The following NOVA1 variants were observed in gnomAD, a reference collection of about 807,000 sequenced individuals.
The protein encoded by NOVA1 is NOVA alternative splicing regulator 1.
A neutral mutation model predicts 38.0 loss-of-function variants in NOVA1; 7 were observed. The observed-to-expected ratio is 0.18, with a 90% CI of 0.10 to 0.35. NOVA1 has a LOEUF of 0.35. Ranked by LOEUF, NOVA1 falls within the 10% of genes least tolerant of loss-of-function variation. The pLI, the probability that NOVA1 is intolerant of heterozygous loss-of-function variation, is 1.00. For synonymous variants in NOVA1, 270 were observed against 232.5 expected (o/e 1.16, Z -1.47); for missense variants, 460 against 616.0 (o/e 0.75, Z 2.68).
intron 2 of NOVA1, among the ~76,000 whole-genome samples, chr14:26,497,243 C>A (rs148989089): frequency 6.6e-6 from 1 of 152,066 alleles, no homozygotes; most frequent in South Asian, 2.1e-4. Context: ...TTACAAGGGA[C>A]GTGAAGGACC....
chr14:26,506,732 A>C (rs1887664492), intron 2 of NOVA1, among the ~76,000 whole-genome samples: 1 of 152,076 alleles, frequency 6.6e-6, no homozygotes, highest in Non-Finnish European at 1.5e-5. Context: ...GGCACCTGCC[A>C]CCACGCCCAG....
intron 2 of NOVA1, among the ~76,000 whole-genome samples, chr14:26,557,141 T>A (rs1239476318): frequency 1.3e-5 from 2 of 152,172 alleles, no homozygotes; most frequent in Non-Finnish European, 2.9e-5. Flanking sequence ...TCCCTTAACT[T>A]GATTACATCT....
intron 2 of NOVA1, among the ~76,000 whole-genome samples, chr14:26,558,867 C>T (rs895835083): frequency 3.3e-5 from 5 of 151,996 alleles, no homozygotes; most frequent in Admixed American, 3.3e-4. Context: ...CTCTAGCCTA[C>T]ATAATTATAT....
intron 3 of NOVA1, among the ~76,000 whole-genome samples, chr14:26,473,842 T>C (rs886480397): frequency 5.3e-5 from 8 of 152,054 alleles, no homozygotes; most frequent in Non-Finnish European, 1.2e-4. Context: ...AGGACAGCTA[T>C]AGTAATCAGT....
At chr14:26,542,259 T>C (rs1336275673) in intron 2 of NOVA1, among the ~76,000 whole-genome samples, 1 of 151,920 alleles carries the variant, frequency 6.6e-6, no homozygotes, top group Non-Finnish European at 1.5e-5. Context: ...TAGTATACCA[T>C]CTGTACTCAT....
chr14:26,499,359 G>T (rs184933709), intron 2 of NOVA1, among the ~76,000 whole-genome samples: 2 of 152,198 alleles, frequency 1.3e-5, no homozygotes, highest in Non-Finnish European at 2.9e-5. Flanking sequence ...AATAAAATTA[G>T]AGACCAACAG....
chr14:26,470,576 T>C (rs1884510705), intron 4 of NOVA1: 2 of 993,078 alleles, frequency 2.0e-6, no homozygotes, highest in Admixed American at 4.0e-5. Context: ...AAATGACTTA[T>C]TATTTCAAAA....
At chr14:26,547,648 CAT>C (rs1192740405) in intron 2 of NOVA1, among the ~76,000 whole-genome samples, 4 of 152,104 alleles carry the variant, frequency 2.6e-5, no homozygotes, top group Middle Eastern at 3.4e-3. Flanking sequence ...GTATATAAAA[CAT>C]ATAATCTATT....
At chr14:26,529,789 T>A (rs2138544861) in intron 2 of NOVA1, among the ~76,000 whole-genome samples, 1 of 152,278 alleles carries the variant, frequency 6.6e-6, no homozygotes, top group South Asian at 2.1e-4. Context: ...CAATGGGGAA[T>A]CCTAGGACTC....
chr14:26,572,857 T>C lies in NOVA1; in HGVS notation c.280+22553A>G, dbSNP rs569657755. On this transcript the variant is annotated intron_variant, in intron 2 of 4. Coordinates refer to ENST00000539517, the MANE Select transcript of NOVA1 (RefSeq NM_002515.3). ...TGCCAAATTATGTGAACATATTATG[T>C]GTACTTTTAGGGTAAGGTAATTTAC... is the stretch of plus-strand genomic sequence containing the variant. Among the ~76,000 whole-genome samples, 20 of 152,154 alleles carry C rather than the reference T, an allele frequency of 1.3e-4. No homozygotes were observed. In the East Asian group the frequency reaches 3.7e-3, roughly 28 times the overall value.
At chr14:26,558,388 G>A (rs1355346630) in intron 2 of NOVA1, among the ~76,000 whole-genome samples, 1 of 152,082 alleles carries the variant, frequency 6.6e-6, no homozygotes, top group Non-Finnish European at 1.5e-5. Flanking sequence ...TTAATAGTAA[G>A]AAAAACTGTG....
intron 2 of NOVA1, among the ~76,000 whole-genome samples, chr14:26,503,590 A>G (rs149188631): frequency 6.6e-6 from 1 of 152,214 alleles, no homozygotes; most frequent in Non-Finnish European, 1.5e-5. Context: ...CTTAGCAATT[A>G]AGTACCAAAC....
intron 2 of NOVA1, among the ~76,000 whole-genome samples, chr14:26,583,734 G>A (rs544810888): frequency 1.5e-4 from 23 of 151,210 alleles, no homozygotes; most frequent in Non-Finnish European, 3.0e-4. Flanking sequence ...GAAAAATCCC[G>A]CTTTATCTCA....
intron 4 of NOVA1, among the ~76,000 whole-genome samples, chr14:26,457,830 T>A (rs913205171): frequency 2.6e-5 from 4 of 152,080 alleles, no homozygotes; most frequent in African/African-American, 9.7e-5. Context: ...CCAAAGATCT[T>A]TCAGTAGGAC....
chr14:26,570,104 T>A (rs1221841357), intron 2 of NOVA1, among the ~76,000 whole-genome samples: 1 of 152,086 alleles, frequency 6.6e-6, no homozygotes, highest in African/African-American at 2.4e-5. Flanking sequence ...CCCAATACCT[T>A]GGGAAGCAGA....
At chr14:26,461,764 A>AC (rs1566440789) in intron 4 of NOVA1, among the ~76,000 whole-genome samples, 2 of 74,178 alleles carry the variant, frequency 2.7e-5, no homozygotes, top group Non-Finnish European at 6.2e-5. Context: ...GCCCATCTTT[A>AC]CTAAAAAAAA....
chr14:26,557,216 A>G (rs975241165), intron 2 of NOVA1, among the ~76,000 whole-genome samples: 1 of 152,198 alleles, frequency 6.6e-6, no homozygotes, highest in African/African-American at 2.4e-5. Flanking sequence ...TTGTGGGGAC[A>G]TAGTATCTCC....
At chr14:26,499,242 C>T (rs547346445) in intron 2 of NOVA1, among the ~76,000 whole-genome samples, 1 of 152,020 alleles carries the variant, frequency 6.6e-6, no homozygotes, top group East Asian at 1.9e-4. Context: ...TTATAGTAAC[C>T]ATTTCACTGT....
intron 2 of NOVA1, among the ~76,000 whole-genome samples, chr14:26,562,225 G>A (rs935304943): frequency 5.3e-5 from 8 of 152,122 alleles, no homozygotes; most frequent in African/African-American, 1.7e-4. Context: ...GGTTCCACAA[G>A]CAGTTCCTGG....
Sources: gnomAD v4.1 joint callset for allele counts (sites outside exome capture counted in the v4.1 genomes callset) on GRCh38, gnomAD v4.1.1 for gene constraint, MANE v1.5 for transcripts, NCBI Gene and HGNC (gene_info 2026-07-23, HGNC 2026-07-21) for gene names.